RBFOX1: variants seen among roughly 807,000 people sequenced by gnomAD.
RBFOX1 encodes RNA binding fox-1 homolog 1.
Under a neutral mutation model 57.7 loss-of-function variants are expected in RBFOX1, and 8 were observed. The observed-to-expected ratio is 0.14, with a 90% confidence interval of 0.08 to 0.25. The LOEUF (loss-of-function observed/expected upper bound fraction) is 0.25, where lower values mean the gene tolerates loss of function less well. Ranked by LOEUF, RBFOX1 falls within the 10% of genes least tolerant of loss-of-function variation. The probability of loss-of-function intolerance (pLI) is 1.00; values close to 1 mark genes in which losing one functional copy is unlikely to be tolerated. For synonymous variants in RBFOX1, 326 were observed against 222.4 expected, an observed-to-expected ratio of 1.47 and a Z score of -4.15; for missense variants, 611 against 548.5, an observed-to-expected ratio of 1.11 and a Z score of -1.14.
chr16:5,639,622 A>G (rs1277870448), intron 3 of RBFOX1, among the ~76,000 whole-genome samples: 1 of 152,162 alleles, frequency 6.6e-6, no homozygotes, highest in Non-Finnish European at 1.5e-5. Flanking sequence ...CAGGGTCAGC[A>G]TGCATTCATC....
chr16:5,335,704 A>T (rs1489983138), intron 1 of RBFOX1, among the ~76,000 whole-genome samples: 2 of 152,172 alleles, frequency 1.3e-5, no homozygotes, highest in Non-Finnish European at 2.9e-5. Context: ...TTCTCCCAGT[A>T]GATCATAAGC....
At chr16:6,185,969 T>A (rs1292267215) in intron 1 of RBFOX1, among the ~76,000 whole-genome samples, 1 of 152,184 alleles carries the variant, frequency 6.6e-6, no homozygotes, top group Admixed American at 6.5e-5. Context: ...CTTACCTAAA[T>A]AGCTATGACT....
intron 2 of RBFOX1, among the ~76,000 whole-genome samples, chr16:5,585,749 C>A (rs998121126): frequency 1.3e-5 from 2 of 152,226 alleles, no homozygotes; most frequent in Non-Finnish European, 2.9e-5. Flanking sequence ...TACCATCTAA[C>A]TGTATGTGGC....
At chr16:6,480,117 A>G (rs941332568) in intron 2 of RBFOX1, among the ~76,000 whole-genome samples, 1 of 151,670 alleles carries the variant, frequency 6.6e-6, no homozygotes, top group Non-Finnish European at 1.5e-5. Context: ...TGTCATCTCT[A>G]GGAAAAGAGG....
chr16:5,807,854 G>A (rs1477154035), intron 3 of RBFOX1, among the ~76,000 whole-genome samples: 2 of 152,162 alleles, frequency 1.3e-5, no homozygotes, highest in Non-Finnish European at 2.9e-5. Context: ...TGCTGGTCTG[G>A]ACCACACTTT....
At chr16:7,131,115 C>T (rs545536707) in intron 4 of RBFOX1, among the ~76,000 whole-genome samples, 38 of 152,152 alleles carry the variant, frequency 2.5e-4, no homozygotes, top group African/African-American at 8.9e-4. Flanking sequence ...GAAGCCAAGG[C>T]GGGCAGATCA....
chr16:5,377,777 A>C (rs1253538702), intron 1 of RBFOX1, among the ~76,000 whole-genome samples: 1 of 151,344 alleles, frequency 6.6e-6, no homozygotes, highest in African/African-American at 2.5e-5. Context: ...TCTGAACTGC[A>C]CCTCTCATCA....
intron 1 of RBFOX1, among the ~76,000 whole-genome samples, chr16:6,095,791 C>G (rs577941170): frequency 2.6e-5 from 4 of 152,294 alleles, no homozygotes; most frequent in Admixed American, 2.6e-4. Flanking sequence ...AATGACCCAC[C>G]TGAGTCTGGG....
intron 4 of RBFOX1, among the ~76,000 whole-genome samples, chr16:7,485,567 C>T (rs1021414294): frequency 6.6e-6 from 1 of 152,102 alleles, no homozygotes; most frequent in African/African-American, 2.4e-5. Context: ...GTTCTCAACC[C>T]CCAGATGGCT....
intron 4 of RBFOX1, among the ~76,000 whole-genome samples, chr16:7,297,377 C>T (rs1362558986): frequency 6.6e-6 from 1 of 152,180 alleles, no homozygotes. Flanking sequence ...CAGTCTGTTT[C>T]TCAGCAGCCT....
At chr16:7,519,920 C>G (rs1274100837) in intron 5 of RBFOX1, among the ~76,000 whole-genome samples, 2 of 152,188 alleles carry the variant, frequency 1.3e-5, no homozygotes, top group Non-Finnish European at 2.9e-5. Flanking sequence ...GGGTCTCACT[C>G]TGTTGCCCAG....
intron 3 of RBFOX1, among the ~76,000 whole-genome samples, chr16:6,863,405 C>G (rs8044581): frequency 3.3e-5 from 5 of 151,844 alleles, no homozygotes; most frequent in African/African-American, 1.2e-4. Context: ...AAGCTCCTTA[C>G]TAAAATTTAG....
chr16:7,595,533 T>C lies in RBFOX1; in HGVS notation c.469-16T>C. 1 of 1,535,336 alleles carries C rather than the reference T, an allele frequency of 6.5e-7. No homozygotes were observed. The highest frequency in any genetic ancestry group is 8.8e-7 in the Non-Finnish European group (1 of 1,132,984). Reference sequence around the variant, plus strand: ...ATAATCTGCATGTTGTTTTCCCTTCTCCCTCCTGCATGCAGGGATTTGGTT... The same window carrying C: ...ATAATCTGCATGTTGTTTTCCCTTCCCCCTCCTGCATGCAGGGATTTGGTT... On this transcript the variant is annotated splice_polypyrimidine_tract_variant and intron_variant, in intron 7 of 15. Coordinates refer to ENST00000550418, the MANE Select transcript of RBFOX1 (RefSeq NM_018723.4).
At chr16:6,839,746 G>C (rs2093354125) in intron 3 of RBFOX1, among the ~76,000 whole-genome samples, 1 of 152,292 alleles carries the variant, frequency 6.6e-6, no homozygotes, top group South Asian at 2.1e-4. Flanking sequence ...CTATAGAAGA[G>C]AAAATTAAGC....
chr16:5,937,790 T>C (rs1318989521), intron 4 of RBFOX1, among the ~76,000 whole-genome samples: 1 of 149,422 alleles, frequency 6.7e-6, no homozygotes, highest in Non-Finnish European at 1.5e-5. Context: ...ATATATAAAA[T>C]ATATACCTAT....
chr16:6,139,617 G>C (rs1450340948), intron 1 of RBFOX1, among the ~76,000 whole-genome samples: 1 of 152,184 alleles, frequency 6.6e-6, no homozygotes, highest in Admixed American at 6.5e-5. Flanking sequence ...CAAATTGTCA[G>C]CACCCATGTA....
At chr16:7,167,643 T>G (rs1356310998) in intron 4 of RBFOX1, among the ~76,000 whole-genome samples, 1 of 152,210 alleles carries the variant, frequency 6.6e-6, no homozygotes, top group African/African-American at 2.4e-5. Flanking sequence ...GATAAGTTGT[T>G]ACTGCAGCCC....
chr16:6,794,742 C>T (rs181618202), intron 3 of RBFOX1, among the ~76,000 whole-genome samples: 6 of 152,298 alleles, frequency 3.9e-5, no homozygotes. Context: ...CAGTATTCTT[C>T]ATACAAATGT....
At chr16:6,957,567 A>T (rs2082136896) in intron 3 of RBFOX1, among the ~76,000 whole-genome samples, 1 of 152,086 alleles carries the variant, frequency 6.6e-6, no homozygotes, top group South Asian at 2.1e-4. Context: ...TCTCATCACC[A>T]TCTTGGTTTT....
Sources: gnomAD v4.1 joint callset for allele counts (sites outside exome capture counted in the v4.1 genomes callset) on GRCh38, gnomAD v4.1.1 for gene constraint, MANE v1.5 for transcripts, NCBI Gene and HGNC (gene_info 2026-07-23, HGNC 2026-07-21) for gene names.